MTHFD2L: variants seen among roughly 807,000 people sequenced by gnomAD.
MTHFD2L encodes bifunctional methylenetetrahydrofolate dehydrogenase/cyclohydrolase 2, mitochondrial.
A neutral mutation model predicts 34.9 loss-of-function variants in MTHFD2L; 29 were observed. That is an observed-to-expected ratio of 0.83 (90% CI 0.62 to 1.13). The LOEUF is 1.13. Ranked by LOEUF, MTHFD2L falls within the 50% of genes most tolerant of loss-of-function variation. MTHFD2L has a pLI of 0.00. For missense variants in MTHFD2L, 481 were observed against 446.5 expected (o/e 1.08, Z -0.70); for synonymous variants, 167 against 155.7 (o/e 1.07, Z -0.54).
At chr4:74,120,042 A>T (rs367995940), upstream of MTHFD2L, among the ~76,000 whole-genome samples, 2 of 152,214 alleles carry the variant, frequency 1.3e-5, no homozygotes, top group South Asian at 4.1e-4. Context: ...CCATTTTATC[A>T]AATGTGTCTG....
chr4:74,152,009 A>T (rs1723968692), intron 1 of MTHFD2L, among the ~76,000 whole-genome samples: 1 of 152,144 alleles, frequency 6.6e-6, no homozygotes, highest in African/African-American at 2.4e-5. Flanking sequence ...TATGTGATAT[A>T]TGAACTGACA....
At chr4:74,172,640 G>A (rs1482819500) in intron 1 of MTHFD2L, among the ~76,000 whole-genome samples, 1 of 152,162 alleles carries the variant, frequency 6.6e-6, no homozygotes, top group African/African-American at 2.4e-5. Context: ...TATTAGACAT[G>A]CAGATTTCCA....
intron 3 of MTHFD2L, among the ~76,000 whole-genome samples, chr4:74,197,648 G>T (rs1162324048): frequency 1.3e-5 from 2 of 152,048 alleles, no homozygotes; most frequent in Non-Finnish European, 2.9e-5. Context: ...AAAAGATATG[G>T]ATTTAAATTC....
intron 6 of MTHFD2L, among the ~76,000 whole-genome samples, chr4:74,277,397 ACTTTCT>A (rs1746810407): frequency 6.6e-6 from 1 of 152,006 alleles, no homozygotes; most frequent in Admixed American, 6.6e-5. Flanking sequence ...TGTACCCAAC[ACTTTCT>A]CTTTATCTCA....
chr4:74,150,406 A>T (rs1173866134), intron 1 of MTHFD2L, among the ~76,000 whole-genome samples: 1 of 152,290 alleles, frequency 6.6e-6, no homozygotes, highest in Admixed American at 6.5e-5. Flanking sequence ...GGCATGCGCC[A>T]CCATGCCCAG....
chr4:74,276,849 A>T (rs1746718108), intron 6 of MTHFD2L, among the ~76,000 whole-genome samples: 1 of 152,156 alleles, frequency 6.6e-6, no homozygotes, highest in Non-Finnish European at 1.5e-5. Context: ...TTATATAATT[A>T]TCTTCTTAAG....
intron 1 of MTHFD2L, among the ~76,000 whole-genome samples, chr4:74,164,274 T>A (rs1186894532): frequency 6.6e-6 from 1 of 152,242 alleles, no homozygotes; most frequent in African/African-American, 2.4e-5. Flanking sequence ...ATTTGCCAAG[T>A]ATACGAATTA....
upstream of MTHFD2L, among the ~76,000 whole-genome samples, chr4:74,121,907 G>A (rs574132515): frequency 2.3e-4 from 35 of 151,976 alleles, no homozygotes; most frequent in Non-Finnish European, 3.2e-4. Context: ...ACAATGAGAA[G>A]GCAACTATCT....
chr4:74,258,686 T>C (rs1744326585), intron 6 of MTHFD2L, among the ~76,000 whole-genome samples: 1 of 152,214 alleles, frequency 6.6e-6, no homozygotes, highest in African/African-American at 2.4e-5. Flanking sequence ...ACAAAGTTTT[T>C]AGAATTTTAT....
At chr4:74,285,760 T>TA (rs1748094182) in intron 7 of MTHFD2L, among the ~76,000 whole-genome samples, 1 of 152,208 alleles carries the variant, frequency 6.6e-6, no homozygotes, top group Non-Finnish European at 1.5e-5. Context: ...TTTGTGGTCT[T>TA]ACACTACTGT....
At chr4:74,177,268 A>T (rs940199453) in intron 3 of MTHFD2L, among the ~76,000 whole-genome samples, 1 of 151,966 alleles carries the variant, frequency 6.6e-6, no homozygotes, top group African/African-American at 2.4e-5. Context: ...AAATTTTAAC[A>T]GTGTTTCTCA....
At chr4:74,250,150 C>G (rs1046380759) in intron 6 of MTHFD2L, among the ~76,000 whole-genome samples, 19 of 152,046 alleles carry the variant, frequency 1.2e-4, no homozygotes, top group African/African-American at 4.4e-4. Context: ...TCACGTAGTC[C>G]CATATTTCTT....
chr4:74,228,478 A>G (rs1257298873), intron 6 of MTHFD2L, among the ~76,000 whole-genome samples: 2 of 152,226 alleles, frequency 1.3e-5, no homozygotes, highest in Non-Finnish European at 2.9e-5. Flanking sequence ...CAAATATTAT[A>G]TTGAATGAGT....
Position 74,180,989 on chromosome 4 carries a change from AT to A in MTHFD2L, c.451+5591del, listed in dbSNP as rs547621126. ...AAACTGATATCATATTAAAAGTTAA[AT>A]TTTTGGAGTATGTATCTTTGTATAG... is the stretch of plus-strand genomic sequence containing the variant. On this transcript the variant is annotated intron_variant, in intron 3 of 7. Coordinates refer to ENST00000325278, the MANE Select transcript of MTHFD2L (RefSeq NM_001144978.3). 3.8e-4 allele frequency: 60 copies of A among 156,448 alleles called. No individual in the cohort carries two copies. In the South Asian group the frequency reaches 0.011, roughly 28 times the overall value. 9.7% of individuals were successfully genotyped at this position (156,448 alleles called of 1,614,324 possible). A position where few individuals can be genotyped will look rare whatever the true frequency, so the allele number is the denominator to read the frequency against.
intron 3 of MTHFD2L, among the ~76,000 whole-genome samples, chr4:74,176,584 C>G (rs570557698): frequency 3.9e-4 from 59 of 152,110 alleles, no homozygotes; most frequent in African/African-American, 1.3e-3. Flanking sequence ...GTGCAGTGAC[C>G]AATCATTTGA....
chr4:74,183,537 A>T (rs1277251069), intron 3 of MTHFD2L: 1 of 152,110 alleles, frequency 6.6e-6, no homozygotes, highest in Non-Finnish European at 1.5e-5. Flanking sequence ...CTGTAATCAC[A>T]GCTACTCAGG....
intron 7 of MTHFD2L, among the ~76,000 whole-genome samples, chr4:74,291,218 T>C (rs1027663717): frequency 2.6e-5 from 4 of 151,676 alleles, no homozygotes; most frequent in East Asian, 1.9e-4. Context: ...GGTTTCACCA[T>C]GTTGACCAGG....
intron 5 of MTHFD2L, among the ~76,000 whole-genome samples, chr4:74,218,939 ACTAT>A (rs1185980404): frequency 5.9e-5 from 9 of 152,194 alleles, no homozygotes; most frequent in Admixed American, 5.9e-4. Context: ...TGTGGATTCA[ACTAT>A]CTATGATTAA....
intron 6 of MTHFD2L, among the ~76,000 whole-genome samples, chr4:74,236,255 T>C (rs922258859): frequency 2.0e-5 from 3 of 152,234 alleles, no homozygotes; most frequent in Non-Finnish European, 4.4e-5. Context: ...TTTTAGTAAC[T>C]CTGGATTTCC....
Sources: gnomAD v4.1 joint callset for allele counts (sites outside exome capture counted in the v4.1 genomes callset) on GRCh38, gnomAD v4.1.1 for gene constraint, MANE v1.5 for transcripts, NCBI Gene and HGNC (gene_info 2026-07-23, HGNC 2026-07-21) for gene names.